GLT8D1: variants seen among roughly 807,000 people sequenced by gnomAD.
GLT8D1 encodes glycosyltransferase 8 domain-containing protein 1.
In GLT8D1, 41 loss-of-function variants were observed where a neutral mutation model predicts 46.2. That is an observed-to-expected ratio of 0.89 (90% CI 0.69 to 1.15). The LOEUF is 1.15. GLT8D1 is among the 50% of genes most tolerant of loss of function. The pLI is 0.00. For missense variants in GLT8D1, 408 were observed against 449.3 expected (o/e 0.91, Z 0.83); for synonymous variants, 150 against 154.2 (o/e 0.97, Z 0.20).
chr3:52,701,123 T>C (rs895175039), intron 1 of GLT8D1: 7 of 152,180 alleles, frequency 4.6e-5, no homozygotes, highest in African/African-American at 1.7e-4. Flanking sequence ...AAAGTAGACA[T>C]GGATTCACGT....
Position 52,694,826 on chromosome 3 carries a change from T to TTACA in GLT8D1, c.*15_*18dup. ...CCAGGACTTCCTGAGAAATGCTTGCTTACAGTTCAAATTCTGTTTCACTTT... is the reference window on the plus strand; with the variant it reads ...CCAGGACTTCCTGAGAAATGCTTGCTTACATACAGTTCAAATTCTGTTTCACTTT... On this transcript the variant is annotated 3_prime_UTR_variant, in exon 10 of 10. Coordinates refer to ENST00000266014, the MANE Select transcript of GLT8D1 (RefSeq NM_018446.4). The TTACA allele has an allele frequency of 6.4e-7, 1 of 1,565,722 alleles. No homozygotes were observed. The highest frequency in any genetic ancestry group is 8.8e-7 in the Non-Finnish European group (1 of 1,135,986).
intron 9 of GLT8D1, 69 bp downstream of exon 9, chr3:52,695,121 C>T: frequency 3.5e-6 from 5 of 1,415,660 alleles, no homozygotes; most frequent in Non-Finnish European, 5.0e-6. Context: ...AGAATATACC[C>T]CATCCCTGAG....
chr3:52,703,737 C>T (rs2097341302), intron 1 of GLT8D1: 1 of 152,216 alleles, frequency 6.6e-6, no homozygotes, highest in Non-Finnish European at 1.5e-5. Flanking sequence ...AAGTATCTGA[C>T]ATACTTAAGT....
Position 52,695,573 on chromosome 3 carries a change from G to A in GLT8D1, c.660C>T (p.Gly220=). Reference sequence around the variant, plus strand: ...TTCTTTCCTTTTTATAGTCAAGATAGCCAATGTAATTGTACTAAAAACACA... The same window carrying A: ...TTCTTTCCTTTTTATAGTCAAGATAACCAATGTAATTGTACTAAAAACACA... The part of the protein sequence containing the change: ...RGAGNQYNYI[G]YLDYKKERIR... Residue 220 remains glycine, a synonymous_variant, in exon 8 of 10, where the codon GGC becomes GGT. Transcript: ENST00000266014. The A allele has an allele frequency of 6.3e-7, 1 of 1,598,110 alleles. No individual in the cohort carries two copies. Among genetic ancestry groups the A allele is most frequent in the Middle Eastern group, 1.7e-4 (1 of 5,984 alleles).
intron 1 of GLT8D1, 194 bp from the exon 2 acceptor site, chr3:52,700,690 T>C: frequency 4.5e-6 from 2 of 441,344 alleles, no homozygotes; most frequent in East Asian, 6.6e-5. Context: ...TACTCATTAA[T>C]AAAAAACTTA....
In GLT8D1 at chr3:52,695,418, T is replaced by A; in HGVS notation, c.812+3A>T. ...TTCACAGCTAGGCCAGTTACATACT[T>A]ACTCTACATTGAGTTTCATCCATTT... On this transcript the variant is annotated splice_donor_region_variant and intron_variant, in intron 8 of 9. Transcript: ENST00000266014. The A allele has an allele frequency of 6.2e-7, 1 of 1,612,658 alleles. No homozygotes were observed. The highest frequency in any genetic ancestry group is 1.1e-5 in the South Asian group (1 of 91,000).
In GLT8D1 at chr3:52,694,986, CT is replaced by C; in HGVS notation, c.974del (p.Lys325SerfsTer9). ...TCAAATGTCCATTCCAATGGAGTAA[CT>C]TGGCAGCCTTTACAAACTGAGGTGA... ...RYSPQFVKAAKLLHWNGHLKP... is the reference protein window; with the variant it reads ...RYSPQFVKAAXLLHWNGHLKP... On this transcript the variant is annotated frameshift_variant, in exon 10 of 10. Transcript: ENST00000266014. LOFTEE classifies it high-confidence loss of function. The C allele has an allele frequency of 1.9e-6, 3 of 1,612,732 alleles. No individual in the cohort carries two copies. The highest frequency in any genetic ancestry group is 2.5e-6 in the Non-Finnish European group (3 of 1,178,730).
chr3:52,695,157 T>C, intron 9 of GLT8D1, 33 bp downstream of exon 9: 1 of 1,518,544 alleles, frequency 6.6e-7, no homozygotes, highest in Non-Finnish European at 9.1e-7. Context: ...ACCAATTCTT[T>C]ACTAGCTTAT....
Position 52,695,481 on chromosome 3 carries a change from G to T in GLT8D1, c.752C>A (p.Thr251Lys). The T allele has an allele frequency of 6.2e-7, 1 of 1,613,366 alleles. No individual in the cohort carries two copies. ...FNPGVFVANL[T>K]EWKRQNITNQ... ...AGTTATATTCTGTCGTTTCCATTCC[G>T]TCAGGTTTGCAACAAAAACTCCAGG... The change falls in exon 8 of 10, where the codon ACG (threonine) becomes AAG (lysine). Residue 251 changes from threonine to lysine, a missense_variant. Coordinates refer to ENST00000266014, the MANE Select transcript of GLT8D1 (RefSeq NM_018446.4).
intron 4 of GLT8D1, chr3:52,697,429 A>G: frequency 2.5e-6 from 1 of 396,310 alleles, no homozygotes; most frequent in South Asian, 2.5e-5. Context: ...ATCAACATTT[A>G]CTGCTCCCTT....
rs764678361 is a variant in GLT8D1 at position 52,694,724 on chromosome 3, T to G, written c.*121A>C. ...GGGCAGTTTGTCATCTTTACCTAGC[T>G]GACACATCTTTTTCCATGGCTTGCT... On this transcript the variant is annotated 3_prime_UTR_variant, in exon 10 of 10. Coordinates refer to ENST00000266014, the MANE Select transcript of GLT8D1 (RefSeq NM_018446.4). The G allele has an allele frequency of 6.7e-6, 5 of 742,058 alleles. No individual in the cohort carries two copies. Among genetic ancestry groups the G allele is most frequent in the Non-Finnish European group, 9.6e-6 (4 of 414,554 alleles). 46.0% of individuals were successfully genotyped at this position (742,058 alleles called of 1,614,324 possible).
intron 1 of GLT8D1, among the ~76,000 whole-genome samples, chr3:52,702,518 C>A (rs962354739): frequency 4.6e-5 from 7 of 152,012 alleles, no homozygotes; most frequent in Admixed American, 4.6e-4. Flanking sequence ...TGCACTCCAG[C>A]CTGGGTGACA....
Position 52,700,201 on chromosome 3 carries a change from G to A in GLT8D1, c.115+61C>T. On this transcript the variant is annotated intron_variant, in intron 3 of 9. Coordinates refer to ENST00000266014, the MANE Select transcript of GLT8D1 (RefSeq NM_018446.4). Reference sequence around the variant, plus strand: ...GGAAGAAGAACAACTTAGGATGTGTGACACAGAGAATACCAGGTCCGCAAC... The same window carrying A: ...GGAAGAAGAACAACTTAGGATGTGTAACACAGAGAATACCAGGTCCGCAAC... 3 of 1,008,186 alleles carry A rather than the reference G, an allele frequency of 3.0e-6. No homozygotes were observed. The South Asian group carries it at 4.1e-5, about 14-fold the overall frequency. The allele number at this position is 1,008,186 out of a possible 1,614,324, so 62.5% of individuals were successfully genotyped here. A position where few individuals can be genotyped will look rare whatever the true frequency, so the allele number is the denominator to read the frequency against.
At chr3:52,696,763 TCC>T in intron 4 of GLT8D1, 104 bp from the exon 5 acceptor site, 1 of 666,686 alleles carries the variant, frequency 1.5e-6, no homozygotes, top group Admixed American at 2.4e-5. Context: ...GTTTTCAAGC[TCC>T]TTTTATCTCT....
Position 52,694,817 on chromosome 3 carries a change from A to T in GLT8D1, c.*28T>A. On this transcript the variant is annotated 3_prime_UTR_variant, in exon 10 of 10. Transcript: ENST00000266014. ...TGCTATCTTCCAGGACTTCCTGAGA[A>T]ATGCTTGCTTACAGTTCAAATTCTG... 6.6e-7 allele frequency: 1 copy of T among 1,517,372 alleles called. No homozygotes were observed. The highest frequency in any genetic ancestry group is 2.3e-5 in the East Asian group (1 of 44,414). 94.0% of individuals were successfully genotyped at this position (1,517,372 alleles called of 1,614,324 possible). A position where few individuals can be genotyped will look rare whatever the true frequency, so the allele number is the denominator to read the frequency against.
At chr3:52,695,677 ACTT>A in intron 7 of GLT8D1, 90 bp from the exon 8 acceptor site, 3 of 768,952 alleles carry the variant, frequency 3.9e-6, no homozygotes, top group Non-Finnish European at 6.6e-6. Context: ...TGTTAAACTG[ACTT>A]CTTCAGATTA....
At position 52,694,741 on chromosome 3, in the gene GLT8D1, T is replaced by C; in HGVS notation, c.*104A>G. On this transcript the variant is annotated 3_prime_UTR_variant, in exon 10 of 10. Coordinates refer to ENST00000266014, the MANE Select transcript of GLT8D1 (RefSeq NM_018446.4). ...TACCTAGCTGACACATCTTTTTCCA[T>C]GGCTTGCTACCGATAGGCATTGAAG... 1.2e-6 allele frequency: 1 copy of C among 807,350 alleles called. No individual in the cohort carries two copies. The highest frequency in any genetic ancestry group is 2.1e-6 in the Non-Finnish European group (1 of 466,108). The allele number at this position is 807,350 out of a possible 1,614,324, so 50.0% of individuals were successfully genotyped here. A position where few individuals can be genotyped will look rare whatever the true frequency, so the allele number is the denominator to read the frequency against.
intron 1 of GLT8D1, among the ~76,000 whole-genome samples, chr3:52,704,126 G>T (rs1190903243): frequency 6.6e-6 from 1 of 151,950 alleles, no homozygotes; most frequent in Non-Finnish European, 1.5e-5. Flanking sequence ...GTCCGTGGTT[G>T]GTTGAATCCA....
intron 3 of GLT8D1, among the ~76,000 whole-genome samples, chr3:52,699,634 C>T (rs1309292304): frequency 2.0e-5 from 3 of 152,134 alleles, no homozygotes; most frequent in Non-Finnish European, 4.4e-5. Flanking sequence ...CCACTGCTCC[C>T]GGCCGCTGTT....
Sources: allele counts gnomAD v4.1 joint callset (sites outside exome capture counted in the v4.1 genomes callset), GRCh38; gene constraint gnomAD v4.1.1; transcripts MANE v1.5; gene names NCBI Gene and HGNC (gene_info 2026-07-23, HGNC 2026-07-21).